PXDNL: variants seen among roughly 807,000 people sequenced by gnomAD.
PXDNL encodes probable oxidoreductase PXDNL.
Under a neutral mutation model 150.8 loss-of-function variants are expected in PXDNL, and 145 were observed. That is an observed-to-expected ratio of 0.96 (90% CI 0.84 to 1.10). The LOEUF (loss-of-function observed/expected upper bound fraction) is 1.10. PXDNL is among the 50% of genes least tolerant of loss of function. PXDNL has a pLI of 0.00. For missense variants in PXDNL, 2,087 were observed against 1,873.9 expected (o/e 1.11, Z -2.10); for synonymous variants, 757 against 725.7 (o/e 1.04, Z -0.69).
chr8:51,525,771 G>A (rs183436151), intron 4 of PXDNL, among the ~76,000 whole-genome samples: 2 of 152,264 alleles, frequency 1.3e-5, no homozygotes, highest in Non-Finnish European at 2.9e-5. Context: ...CGTGGTCAGC[G>A]GTCGCGATGA....
intron 1 of PXDNL, among the ~76,000 whole-genome samples, chr8:51,710,114 TG>T (rs1224966906): frequency 6.6e-6 from 1 of 152,254 alleles, no homozygotes; most frequent in East Asian, 1.9e-4. Flanking sequence ...CTTTCCCTTT[TG>T]TCTGCTCTGC....
chr8:51,759,748 T>C (rs1233659763), intron 1 of PXDNL, among the ~76,000 whole-genome samples: 3 of 152,228 alleles, frequency 2.0e-5, no homozygotes, highest in African/African-American at 7.2e-5. Flanking sequence ...AGGAGCCAAG[T>C]TCCCCACCTG....
chr8:51,758,285 GATGA>G (rs999007970), intron 1 of PXDNL, among the ~76,000 whole-genome samples: 3 of 152,174 alleles, frequency 2.0e-5, no homozygotes, highest in Non-Finnish European at 4.4e-5. Flanking sequence ...TTAATAATAA[GATGA>G]ATTGTCTAAT....
At chr8:51,761,737 G>A (rs1213145044) in intron 1 of PXDNL, among the ~76,000 whole-genome samples, 3 of 152,004 alleles carry the variant, frequency 2.0e-5, no homozygotes, top group African/African-American at 7.2e-5. Flanking sequence ...AAAGTTTGTT[G>A]TCTGAGAAAA....
At chr8:51,442,651 A>C (rs183071653) in intron 12 of PXDNL, among the ~76,000 whole-genome samples, 135 of 152,068 alleles carry the variant, frequency 8.9e-4, no homozygotes, top group African/African-American at 3.1e-3. Flanking sequence ...ATTAATATAA[A>C]ATATGTTAAT....
At chr8:51,428,749 AT>A (rs1347366795) in intron 12 of PXDNL, among the ~76,000 whole-genome samples, 2 of 152,240 alleles carry the variant, frequency 1.3e-5, no homozygotes, top group Non-Finnish European at 2.9e-5. Context: ...TAAAACTATT[AT>A]TCAAAAAAAT....
At chr8:51,536,494 A>T (rs1247605438) in intron 4 of PXDNL, among the ~76,000 whole-genome samples, 1 of 152,200 alleles carries the variant, frequency 6.6e-6, no homozygotes, top group Non-Finnish European at 1.5e-5. Context: ...AAAGGTAATG[A>T]AGGCGTGGAG....
chr8:51,577,979 GAAAGAAAGAAAGAAAGAAAGA>G (rs1813105183), intron 3 of PXDNL, among the ~76,000 whole-genome samples: 1 of 89,008 alleles, frequency 1.1e-5, no homozygotes, highest in Non-Finnish European at 2.3e-5. Context: ...AAGAAAGAAA[GAAAGAAAGAAAGAAAGAAAGA>G]GGAAGGAAGG....
At chr8:51,320,957 T>A in intron 21 of PXDNL, 60 bp from the exon 22 acceptor site, 1 of 1,224,066 alleles carries the variant, frequency 8.2e-7, no homozygotes, top group Non-Finnish European at 1.2e-6. Context: ...ACAAAGCCAA[T>A]CAATAACATG....
intron 21 of PXDNL, among the ~76,000 whole-genome samples, chr8:51,338,922 AAATTGAT>A (rs1314929399): frequency 6.6e-6 from 1 of 152,188 alleles, no homozygotes; most frequent in Non-Finnish European, 1.5e-5. Context: ...ACTCCACGAA[AAATTGAT>A]AAGAAAAGTA....
chr8:51,603,460 T>A (rs1165843380), intron 2 of PXDNL, among the ~76,000 whole-genome samples: 1 of 152,082 alleles, frequency 6.6e-6, no homozygotes, highest in Non-Finnish European at 1.5e-5. Flanking sequence ...CTATTGATAC[T>A]TCTTATATCT....
chr8:51,491,410 G>T (rs1810892446), intron 5 of PXDNL, among the ~76,000 whole-genome samples: 2 of 152,102 alleles, frequency 1.3e-5, no homozygotes. Flanking sequence ...TTTCTTTCAG[G>T]AGCTCTATTT....
Position 51,644,333 on chromosome 8 carries a change from TATATAC to T in PXDNL, c.236+10350_236+10355del, listed in dbSNP as rs1382693886. 3.2e-3 allele frequency among the ~76,000 whole-genome samples: 167 copies of T among 52,612 alleles called. 3 individuals are homozygous for T. Among genetic ancestry groups the T allele is most frequent in the African/African-American group, 6.9e-3 (165 of 23,960 alleles). 34.5% of individuals were successfully genotyped at this position (52,612 alleles called of 152,430 possible). A position where few individuals can be genotyped will look rare whatever the true frequency, so the allele number is the denominator to read the frequency against. On this transcript the variant is annotated intron_variant, in intron 2 of 22. Transcript: ENST00000356297. ...AGGCACATTTTTACATATATATATA[TATATAC>T]ACACACACACACACACACACACACA...
chr8:51,535,862 T>C (rs1287394974), intron 4 of PXDNL, among the ~76,000 whole-genome samples: 2 of 152,218 alleles, frequency 1.3e-5, no homozygotes, highest in Non-Finnish European at 1.5e-5. Context: ...CCTTATAGAA[T>C]CTCACAAGAC....
At chr8:51,429,747 G>A (rs1281793903) in intron 12 of PXDNL, among the ~76,000 whole-genome samples, 6 of 140,904 alleles carry the variant, frequency 4.3e-5, no homozygotes, top group Non-Finnish European at 9.0e-5. Context: ...CTGGATCTTC[G>A]ACTAAGGAAA....
At chr8:51,548,499 G>A (rs1474681059) in intron 4 of PXDNL, among the ~76,000 whole-genome samples, 1 of 152,186 alleles carries the variant, frequency 6.6e-6, no homozygotes, top group Non-Finnish European at 1.5e-5. Flanking sequence ...TTTTTCAGCA[G>A]AAACCTTACA....
At chr8:51,344,309 G>A (rs1806079324) in intron 20 of PXDNL, among the ~76,000 whole-genome samples, 1 of 151,782 alleles carries the variant, frequency 6.6e-6, no homozygotes, top group African/African-American at 2.4e-5. Context: ...TTTTAGAGAT[G>A]GAGTCTCACT....
chr8:51,386,517 C>A (rs1807716875), intron 17 of PXDNL, among the ~76,000 whole-genome samples: 1 of 151,634 alleles, frequency 6.6e-6, no homozygotes, highest in South Asian at 2.1e-4. Context: ...GAATTAGAAG[C>A]AAGTGATAGA....
chr8:51,490,190 T>C (rs1810858042), intron 5 of PXDNL, among the ~76,000 whole-genome samples: 1 of 152,208 alleles, frequency 6.6e-6, no homozygotes, highest in Non-Finnish European at 1.5e-5. Context: ...TTTTAAATAA[T>C]TTAAATCACA....
Sources: gnomAD v4.1 joint callset for allele counts (sites outside exome capture counted in the v4.1 genomes callset) on GRCh38, gnomAD v4.1.1 for gene constraint, MANE v1.5 for transcripts, NCBI Gene and HGNC (gene_info 2026-07-23, HGNC 2026-07-21) for gene names.